The following NOL4L variants were observed in gnomAD, a reference collection of about 807,000 sequenced individuals.
The protein encoded by NOL4L is nucleolar protein 4 like, also known as nucleolar protein 4-like.
NOL4L carries 7 observed loss-of-function variants against 64.5 expected under a neutral mutation model. The ratio of observed to expected loss-of-function variants is 0.11; its 90% CI spans 0.06 to 0.20. The LOEUF (loss-of-function observed/expected upper bound fraction) is 0.20. Among genes scored for constraint, NOL4L ranks in the 10% least tolerant of loss-of-function variants. NOL4L has a pLI of 1.00. For synonymous variants in NOL4L, 413 were observed against 401.0 expected (o/e 1.03, Z -0.36); for missense variants, 680 against 967.1 (o/e 0.70, Z 3.94).
chr20:32,457,660 G>A (rs1476416461), intron 5 of NOL4L, among the ~76,000 whole-genome samples: 1 of 152,168 alleles, frequency 6.6e-6, no homozygotes, highest in Non-Finnish European at 1.5e-5. Flanking sequence ...GGGAGGCCAC[G>A]GCGGCGCAGT....
At chr20:32,580,792 A>G (rs1980418243) in intron 1 of NOL4L, among the ~76,000 whole-genome samples, 2 of 152,148 alleles carry the variant, frequency 1.3e-5, no homozygotes, top group African/African-American at 4.8e-5. Context: ...GAGAACCTCT[A>G]TCTCTCCACG....
rs147053056 is a variant in NOL4L, at chr20:32,523,341, C to T, written c.478-2419G>A. Reference sequence around the variant, plus strand: ...AGAGCTCCCTGGGGAGTCAATAAAGCGCAGAGTCCAGCCCAGCTCTGCACT... The same window carrying T: ...AGAGCTCCCTGGGGAGTCAATAAAGTGCAGAGTCCAGCCCAGCTCTGCACT... On this transcript the variant is annotated intron_variant, in intron 2 of 10. Coordinates refer to ENST00000621426, the MANE Select transcript of NOL4L (RefSeq NM_001256798.2). 8.7e-4 allele frequency among the ~76,000 whole-genome samples: 133 copies of T among 152,280 alleles called. 4 individuals are homozygous for T. Among genetic ancestry groups the T allele is most frequent in the East Asian group, 6.9e-3 (36 of 5,182 alleles).
chr20:32,532,392 G>A, intron 1 of NOL4L: 1 of 985,402 alleles, frequency 1.0e-6, no homozygotes, highest in Non-Finnish European at 1.2e-6. Flanking sequence ...ACGCCAGGAT[G>A]TCTACGTGGC....
At chr20:32,459,789 C>T (rs902092077) in intron 5 of NOL4L, among the ~76,000 whole-genome samples, 3 of 152,220 alleles carry the variant, frequency 2.0e-5, no homozygotes, top group Non-Finnish European at 4.4e-5. Flanking sequence ...CCACTTTGGC[C>T]TCTCAAAGTG....
chr20:32,511,163 C>T, intron 4 of NOL4L, 184 bp downstream of exon 4: 1 of 546,124 alleles, frequency 1.8e-6, no homozygotes, highest in Non-Finnish European at 3.3e-6. Flanking sequence ...ACAGGAGACC[C>T]TCTCACGAGA....
intron 3 of NOL4L, among the ~76,000 whole-genome samples, chr20:32,516,916 G>A (rs1282606046): frequency 6.6e-6 from 1 of 152,242 alleles, no homozygotes; most frequent in East Asian, 1.9e-4. Context: ...ACAATATTTT[G>A]TCACATCAAA....
chr20:32,470,094 C>T (rs577838242), intron 5 of NOL4L, among the ~76,000 whole-genome samples: 322 of 152,374 alleles, frequency 2.1e-3, no homozygotes, highest in Non-Finnish European at 3.1e-3. Context: ...GCCCACCCTG[C>T]AGAAGGCGGA....
chr20:32,579,311 C>T (rs900059817), intron 1 of NOL4L, among the ~76,000 whole-genome samples: 14 of 152,234 alleles, frequency 9.2e-5, no homozygotes, highest in African/African-American at 3.4e-4. Context: ...CACACTCACA[C>T]CCACACAGTT....
chr20:32,506,624 G>A (rs1464235832), intron 4 of NOL4L, among the ~76,000 whole-genome samples: 1 of 152,116 alleles, frequency 6.6e-6, no homozygotes, highest in Non-Finnish European at 1.5e-5. Context: ...TCGCGCCATT[G>A]CACTCCAGCC....
rs1568649193 is a variant in NOL4L, at chr20:32,488,851, CTTTCTTTCTTTCTTTCTTTCTTTCTTTCT to C, written c.700-14138_700-14110del. ...TTTTTCTTTCTTTCTTTCTTTCTTT[CTTTCTTTCTTTCTTTCTTTCTTTCTTTCT>C]TTCTTTCTTTCTTTCCTCTCTCTTT... is the stretch of plus-strand genomic sequence containing the variant. On this transcript the variant is annotated intron_variant, in intron 4 of 10. Transcript: ENST00000621426. 3.2e-3 allele frequency among the ~76,000 whole-genome samples: 228 copies of C among 70,706 alleles called. 6 individuals are homozygous for C. Among genetic ancestry groups the C allele is most frequent in the African/African-American group, 0.018 (208 of 11,504 alleles). 46.4% of individuals were successfully genotyped at this position (70,706 alleles called of 152,430 possible). A position where few individuals can be genotyped will look rare whatever the true frequency, so the allele number is the denominator to read the frequency against.
rs1387090849 is a variant in NOL4L, at chr20:32,577,654, T to C, written c.321+6916A>G. ...TGAGCTCAGGAGTTTAAGACCAGCC[T>C]GGGCAACAAAGCGATAATCTGTCTC... is the stretch of plus-strand genomic sequence containing the variant. On this transcript the variant is annotated intron_variant, in intron 1 of 10. Coordinates refer to ENST00000621426, the MANE Select transcript of NOL4L (RefSeq NM_001256798.2). 2.0e-5 allele frequency among the ~76,000 whole-genome samples: 3 copies of C among 152,120 alleles called. No individual in the cohort carries two copies. The East Asian group carries it at 5.8e-4, about 29-fold the overall frequency.
intron 4 of NOL4L, among the ~76,000 whole-genome samples, chr20:32,502,417 AC>A (rs2016957531): frequency 6.6e-6 from 1 of 150,536 alleles, no homozygotes; most frequent in Non-Finnish European, 1.5e-5. Context: ...ACAGGGTGAA[AC>A]CCCGTCTCTA....
chr20:32,451,948 C>T (rs994871874), intron 10 of NOL4L, among the ~76,000 whole-genome samples: 1 of 152,188 alleles, frequency 6.6e-6, no homozygotes, highest in Non-Finnish European at 1.5e-5. Context: ...TGAGAGGCGC[C>T]GGTAGTGAAG....
At chr20:32,491,236 T>G (rs937008117) in intron 4 of NOL4L, among the ~76,000 whole-genome samples, 1 of 152,178 alleles carries the variant, frequency 6.6e-6, no homozygotes, top group Non-Finnish European at 1.5e-5. Flanking sequence ...TACTTGATAG[T>G]CCTGAAACAT....
intron 4 of NOL4L, among the ~76,000 whole-genome samples, chr20:32,490,140 A>AC: frequency 6.9e-6 from 1 of 144,508 alleles, no homozygotes; most frequent in African/African-American, 2.7e-5. Flanking sequence ...AAAAAAAAAA[A>AC]AAAAATATAT....
At chr20:32,523,764 G>A (rs2018028959) in intron 2 of NOL4L, among the ~76,000 whole-genome samples, 1 of 152,188 alleles carries the variant, frequency 6.6e-6, no homozygotes, top group African/African-American at 2.4e-5. Flanking sequence ...CGGGCCTCCT[G>A]CCTGGACACT....
chr20:32,469,636 G>C (rs535132812), intron 5 of NOL4L, among the ~76,000 whole-genome samples: 8 of 152,222 alleles, frequency 5.3e-5, no homozygotes, highest in African/African-American at 1.9e-4. Context: ...CTCCCAAAAT[G>C]CTGGGCTTAC....
chr20:32,536,990 G>A, intron 1 of NOL4L: 3 of 841,176 alleles, frequency 3.6e-6, no homozygotes, highest in Non-Finnish European at 4.3e-6. Context: ...CACCTGCTGC[G>A]CGCGCGCCCG....
chr20:32,505,610 C>A (rs546171012), intron 4 of NOL4L, among the ~76,000 whole-genome samples: 49 of 152,244 alleles, frequency 3.2e-4, no homozygotes, highest in African/African-American at 1.2e-3. Context: ...GTCTCAGATA[C>A]TCAGGAGGCT....
Sources: allele counts gnomAD v4.1 joint callset (sites outside exome capture counted in the v4.1 genomes callset), GRCh38; gene constraint gnomAD v4.1.1; transcripts MANE v1.5; gene names NCBI Gene and HGNC (gene_info 2026-07-23, HGNC 2026-07-21).